The following PPL variants were observed in gnomAD, a reference collection of about 807,000 sequenced individuals.
PPL encodes the protein periplakin.
A neutral mutation model predicts 194.4 loss-of-function variants in PPL; 198 were observed. The observed-to-expected ratio is 1.02, with a 90% CI of 0.91 to 1.15. The LOEUF is 1.15. PPL is among the 50% of genes most tolerant of loss of function. The pLI, the probability that PPL is intolerant of heterozygous loss-of-function variation, is 0.00. For synonymous variants in PPL, 1,220 were observed against 972.4 expected (o/e 1.25, Z -4.74); for missense variants, 2,885 against 2,294.8 (o/e 1.26, Z -5.25).
intron 1 of PPL, among the ~76,000 whole-genome samples, chr16:4,922,750 G>A (rs2089075137): frequency 6.6e-6 from 1 of 150,520 alleles, no homozygotes; most frequent in Admixed American, 6.7e-5. Flanking sequence ...CCTGGGAGAT[G>A]AAAGCAGACC....
intron 3 of PPL, 41 bp downstream of exon 3, chr16:4,903,845 C>A: frequency 6.2e-7 from 1 of 1,609,308 alleles, no homozygotes; most frequent in South Asian, 1.1e-5. Context: ...GGCCCATAGC[C>A]CCCAATGGCT....
At chr16:4,925,078 C>T (rs1292272702) in intron 1 of PPL, among the ~76,000 whole-genome samples, 12 of 152,322 alleles carry the variant, frequency 7.9e-5, no homozygotes, top group South Asian at 6.2e-4. Flanking sequence ...TTAATTCTGT[C>T]TCAGTGGGTG....
intron 1 of PPL, among the ~76,000 whole-genome samples, chr16:4,911,156 CT>C (rs34229581): frequency 0.4 from 34,000 of 85,464 alleles, 4,602 homozygotes; most frequent in East Asian, 0.5. Context: ...GGTCAGCCTC[CT>C]TTTTTTTTTT....
chr16:4,896,408 G>A (rs987772053), intron 9 of PPL, among the ~76,000 whole-genome samples: 5 of 152,136 alleles, frequency 3.3e-5, no homozygotes, highest in Admixed American at 2.0e-4. Flanking sequence ...CATAAAAAGG[G>A]GTGAAGCACT....
intron 1 of PPL, among the ~76,000 whole-genome samples, chr16:4,930,200 T>G (rs181601236): frequency 3.3e-4 from 50 of 152,302 alleles, no homozygotes; most frequent in African/African-American, 1.1e-3. Flanking sequence ...CATCTCCAAC[T>G]GATCCCCGGG....
Position 4,883,696 on chromosome 16 carries a change from G to T in PPL, c.4959C>A (p.His1653Gln). The change falls in exon 22 of 22, where the codon CAC becomes CAA. Residue 1653 changes from histidine (H) to glutamine (Q), a missense_variant. By Grantham distance (24) the His-to-Gln change is conservative. Coordinates refer to ENST00000345988, the MANE Select transcript of PPL (RefSeq NM_002705.5). This position sits in a 1 kb window ranked among gnomAD's most constrained non-coding sequence, Gnocchi z 4.8. The part of the protein sequence containing the change: ...VAVKREQREN[H>Q]LRRSIVVIHP... Reference sequence around the variant, plus strand: ...GGATGACTACGATGGAGCGCCGCAGGTGGTTCTCCCGCTGCTCCCGCTTGA... The same window carrying T: ...GGATGACTACGATGGAGCGCCGCAGTTGGTTCTCCCGCTGCTCCCGCTTGA... The T allele has an allele frequency of 6.2e-7, 1 of 1,614,056 alleles. No individual in the cohort carries two copies. The highest frequency in any genetic ancestry group is 8.5e-7 in the Non-Finnish European group (1 of 1,180,010).
At chr16:4,930,700 G>T (rs2089215595) in intron 1 of PPL, among the ~76,000 whole-genome samples, 1 of 152,220 alleles carries the variant, frequency 6.6e-6, no homozygotes, top group Non-Finnish European at 1.5e-5. Context: ...AGAGGTTGGG[G>T]AAGGCTTCCC....
chr16:4,890,751 G>A lies in PPL; in HGVS notation c.2139C>T (p.Asn713=). The A allele has an allele frequency of 1.2e-6, 2 of 1,608,502 alleles. No homozygotes were observed. The highest frequency in any genetic ancestry group is 1.7e-6 in the Non-Finnish European group (2 of 1,178,124). Residue 713 remains asparagine, a synonymous_variant, in exon 17 of 22, where the codon AAC becomes AAT. Transcript: ENST00000345988. ...ACCTGCGTTCCACCTGCTGGCGCAG[G>A]TTGTTGAAACGCTGGCCCAGCTTGT... ...EVHKLGQRFN[N]LRQQVERRAQ...
intron 1 of PPL, among the ~76,000 whole-genome samples, chr16:4,923,752 A>C (rs2089100599): frequency 6.6e-6 from 1 of 152,036 alleles, no homozygotes; most frequent in South Asian, 2.1e-4. Flanking sequence ...AATTGATCCC[A>C]CTGCAGAGGG....
intron 2 of PPL, 24 bp downstream of exon 2, chr16:4,910,826 G>C (rs1236932370): frequency 6.3e-7 from 1 of 1,589,608 alleles, no homozygotes; most frequent in East Asian, 2.2e-5. Context: ...GCACCCAGGT[G>C]GGAGTGGGAG....
At chr16:4,903,161 G>A (rs769334093) in intron 3 of PPL, among the ~76,000 whole-genome samples, 7 of 152,214 alleles carry the variant, frequency 4.6e-5, no homozygotes, top group Non-Finnish European at 1.0e-4. Context: ...GCCAAGGGTC[G>A]TGGGGCACCG....
At chr16:4,889,263 T>TTTTTTG (rs2088277696) in intron 18 of PPL, among the ~76,000 whole-genome samples, 2 of 129,384 alleles carry the variant, frequency 1.5e-5, no homozygotes, top group Non-Finnish European at 3.2e-5. Context: ...TTTTTTTTTT[T>TTTTTTG]TTTTTTTTTT....
chr16:4,895,189 G>A (rs376879117), intron 11 of PPL, 72 bp downstream of exon 11: 1 of 1,489,560 alleles, frequency 6.7e-7, no homozygotes, highest in Non-Finnish European at 8.9e-7. Flanking sequence ...AACGGCGCCT[G>A]AGGCCCGGGA....
intron 11 of PPL, among the ~76,000 whole-genome samples, chr16:4,895,018 C>G (rs2088394270): frequency 6.6e-6 from 1 of 152,166 alleles, no homozygotes; most frequent in Non-Finnish European, 1.5e-5. Flanking sequence ...CCAATGAGAA[C>G]CTGGCCTGGG....
intron 21 of PPL, 70 bp downstream of exon 21, chr16:4,887,065 C>G (rs2088230177): frequency 7.7e-7 from 1 of 1,296,528 alleles, no homozygotes; most frequent in African/African-American, 1.5e-5. Flanking sequence ...AACCATTTCT[C>G]TAAGACAGAG....
At chr16:4,899,668 C>A (rs879135761) in intron 6 of PPL, among the ~76,000 whole-genome samples, 1 of 140,676 alleles carries the variant, frequency 7.1e-6, no homozygotes, top group Non-Finnish European at 1.6e-5. Flanking sequence ...ATACAGCAAA[C>A]GAAACACACA....
chr16:4,913,953 T>C (rs1680483086), intron 1 of PPL, among the ~76,000 whole-genome samples: 1 of 152,278 alleles, frequency 6.6e-6, no homozygotes, highest in Non-Finnish European at 1.5e-5. Context: ...TCAGTATTTA[T>C]AGAAACAGTC....
At chr16:4,915,065 G>A (rs998233789) in intron 1 of PPL, among the ~76,000 whole-genome samples, 1 of 152,168 alleles carries the variant, frequency 6.6e-6, no homozygotes, top group Non-Finnish European at 1.5e-5. Flanking sequence ...GTCTCTCTTG[G>A]GCCCAGTCCC....
rs5815221 is a variant in PPL at position 4,902,692 on chromosome 16, CTTTT to C, written c.318-170_318-167del. ...ATCCTCTCACCCCTCCTCCCATGCA[CTTTT>C]TTTTTTTTTTTGAGACAGAGTCTTG... On this transcript the variant is annotated intron_variant, in intron 3 of 21. Transcript: ENST00000345988. This position sits in a 1 kb window ranked among gnomAD's most constrained non-coding sequence, Gnocchi z 4.0. Among the ~76,000 whole-genome samples, 2 of 140,864 alleles carry C rather than the reference CTTTT, an allele frequency of 1.4e-5. No homozygotes were observed. The highest frequency in any genetic ancestry group is 3.1e-5 in the Non-Finnish European group (2 of 64,344). The allele number at this position is 140,864 out of a possible 152,430, so 92.4% of individuals were successfully genotyped here.
Sources: gnomAD v4.1 joint callset for allele counts (sites outside exome capture counted in the v4.1 genomes callset) on GRCh38, gnomAD v4.1.1 for gene constraint, Gnocchi (gnomAD v3.1) non-coding constraint, MANE v1.5 for transcripts, NCBI Gene and HGNC (gene_info 2026-07-23, HGNC 2026-07-21) for gene names.